The following RASSF8 variants were observed in gnomAD, a reference collection of about 807,000 sequenced individuals.
RASSF8 encodes the protein Ras association domain family member 8, also known as ras association domain-containing protein 8.
RASSF8 carries 22 observed loss-of-function variants against 48.5 expected under a neutral mutation model. The observed-to-expected ratio is 0.45, with a 90% confidence interval of 0.32 to 0.65. The LOEUF is 0.65. RASSF8 is among the 30% of genes least tolerant of loss of function. The probability of loss-of-function intolerance (pLI) is 0.03; values close to 1 mark genes in which losing one functional copy is unlikely to be tolerated. For synonymous variants in RASSF8, 127 were observed against 171.5 expected (o/e 0.74, Z 2.03); for missense variants, 418 against 489.2 (o/e 0.85, Z 1.37).
chr12:25,976,470 C>T (rs1480158499), intron 1 of RASSF8, among the ~76,000 whole-genome samples: 3 of 152,208 alleles, frequency 2.0e-5, no homozygotes, highest in Admixed American at 6.5e-5. Flanking sequence ...TTGCATGTGA[C>T]ATTTGTAACT....
chr12:26,072,503 T>C lies in RASSF8; in HGVS notation c.*3685T>C, dbSNP rs2137347425. 1 of 970,282 alleles carries C rather than the reference T, an allele frequency of 1.0e-6. No homozygotes were observed. The highest frequency in any genetic ancestry group is 1.8e-5 in the African/African-American group (1 of 56,954). 60.1% of individuals were successfully genotyped at this position (970,282 alleles called of 1,614,324 possible). Reference sequence around the variant, plus strand: ...TAATTATATTAAACCAGCAGAAATATAAAGGCAATAAAGTATATACATATA... The same window carrying C: ...TAATTATATTAAACCAGCAGAAATACAAAGGCAATAAAGTATATACATATA... On this transcript the variant is annotated 3_prime_UTR_variant, in exon 6 of 6. Transcript: ENST00000689635.
intron 1 of RASSF8, among the ~76,000 whole-genome samples, chr12:25,979,806 T>G (rs892945481): frequency 6.6e-6 from 1 of 151,948 alleles, no homozygotes; most frequent in East Asian, 1.9e-4. Context: ...TGTGTAAGTG[T>G]TGGGGAAACA....
intron 2 of RASSF8, among the ~76,000 whole-genome samples, chr12:26,016,989 A>G (rs1200344429): frequency 6.6e-6 from 1 of 152,046 alleles, no homozygotes; most frequent in Non-Finnish European, 1.5e-5. Context: ...TATTTGCTTC[A>G]TGTTTTTAGT....
chr12:26,048,562 T>A (rs1943422167), intron 2 of RASSF8, among the ~76,000 whole-genome samples: 1 of 152,158 alleles, frequency 6.6e-6, no homozygotes, highest in African/African-American at 2.4e-5. Flanking sequence ...ACAGGGCCAT[T>A]GGAAGCCCTG....
intron 1 of RASSF8, among the ~76,000 whole-genome samples, chr12:25,967,674 T>C (rs1195841361): frequency 6.6e-6 from 1 of 152,234 alleles, no homozygotes; most frequent in Admixed American, 6.5e-5. Flanking sequence ...TGTTTATGTA[T>C]GTCCACATAC....
chr12:26,025,295 C>T (rs542867728), intron 2 of RASSF8, among the ~76,000 whole-genome samples: 26 of 152,244 alleles, frequency 1.7e-4, no homozygotes, highest in East Asian at 1.2e-3. Flanking sequence ...TGGTGGCTCA[C>T]GCCTGTAATC....
At chr12:25,988,517 C>T (rs768034755) in intron 1 of RASSF8, among the ~76,000 whole-genome samples, 5 of 151,954 alleles carry the variant, frequency 3.3e-5, no homozygotes, top group Admixed American at 1.3e-4. Flanking sequence ...ATTTGGGATT[C>T]GTTTCTGTTA....
chr12:26,026,838 G>A (rs1312516690), intron 2 of RASSF8, among the ~76,000 whole-genome samples: 3 of 152,184 alleles, frequency 2.0e-5, no homozygotes, highest in African/African-American at 4.8e-5. Flanking sequence ...CAGTCTGGCA[G>A]TTCTTGAAAA....
Position 26,070,868 on chromosome 12 carries a change from A to G in RASSF8, c.*2050A>G. 1.0e-6 allele frequency: 1 copy of G among 984,804 alleles called. No homozygotes were observed. The highest frequency in any genetic ancestry group is 1.2e-6 in the Non-Finnish European group (1 of 829,368). The allele number at this position is 984,804 out of a possible 1,614,324, so 61.0% of individuals were successfully genotyped here. Reference sequence around the variant, plus strand: ...GATGCCTTGGCATACCACGAAAAACACTGTCAATATCCAACTCATTATAAA... The same window carrying G: ...GATGCCTTGGCATACCACGAAAAACGCTGTCAATATCCAACTCATTATAAA... On this transcript the variant is annotated 3_prime_UTR_variant, in exon 6 of 6. Coordinates refer to ENST00000689635, the MANE Select transcript of RASSF8 (RefSeq NM_001394098.1).
rs1343066148 is a variant in RASSF8, at chr12:26,071,181, CAG to C, written c.*2366_*2367del. 5.1e-6 allele frequency: 5 copies of C among 977,472 alleles called. No homozygotes were observed. The highest frequency in any genetic ancestry group is 3.5e-5 in the African/African-American group (2 of 56,998). The allele number at this position is 977,472 out of a possible 1,614,324, so 60.5% of individuals were successfully genotyped here. ...TATCTAAGGAATATTTTCTAAGACT[CAG>C]AGGGAAAAAAACTCGTTTTCATAGG... On this transcript the variant is annotated 3_prime_UTR_variant, in exon 6 of 6. Coordinates refer to ENST00000689635, the MANE Select transcript of RASSF8 (RefSeq NM_001394098.1).
At chr12:26,079,017 C>A in intron 5 of RASSF8, 1 of 1,537,358 alleles carries the variant, frequency 6.5e-7, no homozygotes, top group Non-Finnish European at 8.8e-7. Context: ...TTGTGTGTTT[C>A]TTCTGTTTTA....
intron 1 of RASSF8, among the ~76,000 whole-genome samples, chr12:25,974,357 A>AT (rs1474494085): frequency 2.0e-5 from 3 of 152,180 alleles, no homozygotes; most frequent in Non-Finnish European, 4.4e-5. Flanking sequence ...GAAACCTCTG[A>AT]TTTTAAATGT....
intron 1 of RASSF8, among the ~76,000 whole-genome samples, chr12:25,965,886 T>C (rs1439385280): frequency 1.3e-5 from 2 of 152,254 alleles, no homozygotes; most frequent in Non-Finnish European, 2.9e-5. Context: ...TCTTCATTGC[T>C]GAGTAGTATT....
chr12:26,063,729 T>A (rs983652737), intron 3 of RASSF8, among the ~76,000 whole-genome samples: 1 of 149,224 alleles, frequency 6.7e-6, no homozygotes, highest in Non-Finnish European at 1.5e-5. Context: ...ATATTTTGCT[T>A]TGAGTTTTTT....
intron 2 of RASSF8, among the ~76,000 whole-genome samples, chr12:26,013,477 T>C (rs542310724): frequency 6.6e-6 from 1 of 152,328 alleles, no homozygotes; most frequent in South Asian, 2.1e-4. Context: ...CCTGTGTCCT[T>C]CTAGTTTTAC....
At chr12:26,043,358 A>G (rs1465671996) in intron 2 of RASSF8, among the ~76,000 whole-genome samples, 1 of 152,214 alleles carries the variant, frequency 6.6e-6, no homozygotes, top group Admixed American at 6.5e-5. Context: ...ATGTCTTGGC[A>G]TAAGGGTAGA....
At chr12:25,988,013 G>A (rs945316226) in intron 1 of RASSF8, among the ~76,000 whole-genome samples, 3 of 148,722 alleles carry the variant, frequency 2.0e-5, no homozygotes, top group Admixed American at 6.7e-5. Context: ...TACCATGCCT[G>A]GCTAATTTTT....
At position 25,986,960 on chromosome 12, in the gene RASSF8, G is replaced by A. The variant is rs12228549; in HGVS notation, c.-202-8077G>A. Among the ~76,000 whole-genome samples, 44 of 116,044 alleles carry A rather than the reference G, an allele frequency of 3.8e-4. No homozygotes were observed. In the East Asian group the frequency reaches 1.0e-2, roughly 26 times the overall value. 76.1% of individuals were successfully genotyped at this position (116,044 alleles called of 152,430 possible). A position where few individuals can be genotyped will look rare whatever the true frequency, so the allele number is the denominator to read the frequency against. On this transcript the variant is annotated intron_variant, in intron 1 of 5. Coordinates refer to ENST00000689635, the MANE Select transcript of RASSF8 (RefSeq NM_001394098.1). ...TTTGTTTGTTTGTTTGTTTTGCAAC[G>A]GAGTTTCGCTCGTCGCCCAGGCTGG...
chr12:26,069,936 A>G lies in RASSF8; in HGVS notation c.*1118A>G. 3.1e-6 allele frequency: 3 copies of G among 980,314 alleles called. No homozygotes were observed. Among genetic ancestry groups the G allele is most frequent in the Non-Finnish European group, 3.6e-6 (3 of 825,256 alleles). 60.7% of individuals were successfully genotyped at this position (980,314 alleles called of 1,614,324 possible). ...AAATTCAGCATATGTTTTTATTTTT[A>G]GGCTTGACTTTTACAAGACATTAAT... On this transcript the variant is annotated 3_prime_UTR_variant, in exon 6 of 6. Coordinates refer to ENST00000689635, the MANE Select transcript of RASSF8 (RefSeq NM_001394098.1).
Sources: allele counts gnomAD v4.1 joint callset (sites outside exome capture counted in the v4.1 genomes callset), GRCh38; gene constraint gnomAD v4.1.1; transcripts MANE v1.5; gene names NCBI Gene and HGNC (gene_info 2026-07-23, HGNC 2026-07-21).